CMIP: variants seen among roughly 807,000 people sequenced by gnomAD.
CMIP encodes the protein C-Maf-inducing protein.
Under a neutral mutation model 97.3 loss-of-function variants are expected in CMIP, and 13 were observed. The observed-to-expected ratio is 0.13, with a 90% CI of 0.09 to 0.21. The LOEUF (loss-of-function observed/expected upper bound fraction) is 0.21. Ranked by LOEUF, CMIP falls within the 10% of genes least tolerant of loss-of-function variation. CMIP has a pLI of 1.00. For missense variants in CMIP, 847 were observed against 1,024.9 expected (o/e 0.83, Z 2.37); for synonymous variants, 538 against 436.3 (o/e 1.23, Z -2.91).
intron 1 of CMIP, among the ~76,000 whole-genome samples, chr16:81,530,096 A>C (rs553507566): frequency 6.6e-6 from 1 of 152,226 alleles, no homozygotes; most frequent in Non-Finnish European, 1.5e-5. Flanking sequence ...TCTTTCAGTC[A>C]GGCCGCTATA....
chr16:81,471,742 T>C (rs1323906016), intron 1 of CMIP, among the ~76,000 whole-genome samples: 2 of 152,154 alleles, frequency 1.3e-5, no homozygotes, highest in Non-Finnish European at 2.9e-5. Flanking sequence ...ATACATAAAA[T>C]AAGGGTGACT....
intron 1 of CMIP, among the ~76,000 whole-genome samples, chr16:81,557,506 A>T (rs146003144): frequency 6.6e-6 from 1 of 152,262 alleles, no homozygotes; most frequent in South Asian, 2.1e-4. Flanking sequence ...ATATATGTTT[A>T]TAATGTGGAA....
At chr16:81,604,286 C>G (rs549714127) in intron 1 of CMIP, among the ~76,000 whole-genome samples, 2 of 150,776 alleles carry the variant, frequency 1.3e-5, no homozygotes, top group Non-Finnish European at 2.9e-5. Context: ...ATCCCAGCTA[C>G]TCAGGAGGCT....
At chr16:81,704,167 TTCCTTTCC>T in intron 18 of CMIP, 82 bp downstream of exon 18, 1 of 1,185,154 alleles carries the variant, frequency 8.4e-7, no homozygotes, top group Non-Finnish European at 1.1e-6. Context: ...CCGTACCATC[TTCCTTTCC>T]CCTCAGCCTC....
intron 3 of CMIP, among the ~76,000 whole-genome samples, chr16:81,637,315 C>T (rs1224023496): frequency 2.0e-5 from 3 of 152,174 alleles, no homozygotes; most frequent in African/African-American, 7.2e-5. Context: ...TCAGGTGATA[C>T]ACCTGCCTCG....
At chr16:81,704,694 C>T in intron 18 of CMIP, among the ~76,000 whole-genome samples, 1 of 86,630 alleles carries the variant, frequency 1.2e-5, no homozygotes, top group Non-Finnish European at 2.3e-5. Context: ...CTCCTCCCTG[C>T]CCCCGTCACC....
intron 3 of CMIP, among the ~76,000 whole-genome samples, chr16:81,651,583 C>T (rs1456530749): frequency 6.6e-6 from 1 of 152,210 alleles, no homozygotes; most frequent in East Asian, 1.9e-4. Context: ...TGTCTTCAAG[C>T]GACCTCTTGG....
chr16:81,520,569 G>GGGAGAGAGAGAGAGAGA (rs370420453), intron 1 of CMIP: 2 of 106,950 alleles, frequency 1.9e-5, no homozygotes, highest in African/African-American at 8.7e-5. Flanking sequence ...GGAGGAAGGG[G>GGGAGAGAGAGAGAGAGA]GAGAGAGAGA....
chr16:81,523,431 G>A (rs909486586), intron 1 of CMIP, among the ~76,000 whole-genome samples: 1 of 152,112 alleles, frequency 6.6e-6, no homozygotes, highest in Non-Finnish European at 1.5e-5. Context: ...AAGGACGTGG[G>A]GCCCACAGTC....
rs576038645 is a variant in CMIP at position 81,640,291 on chromosome 16, C to T, written c.478-11912C>T. ...AGAGCAGGATAGGACATCAGGCCCC[C>T]CCCCCCCCAATTCCCCAGGGAAAGA... is the stretch of plus-strand genomic sequence containing the variant. On this transcript the variant is annotated intron_variant, in intron 3 of 20. Transcript: ENST00000537098. Among the ~76,000 whole-genome samples, 5 of 150,942 alleles carry T rather than the reference C, an allele frequency of 3.3e-5. 1 individual carries two copies. The South Asian group carries it at 6.4e-4, about 19-fold the overall frequency.
At chr16:81,582,834 G>A (rs985394405) in intron 1 of CMIP, among the ~76,000 whole-genome samples, 14 of 152,124 alleles carry the variant, frequency 9.2e-5, no homozygotes, top group African/African-American at 3.4e-4. Flanking sequence ...GCACAAAGTC[G>A]GCGGGGGTAA....
At chr16:81,671,873 C>T (rs539793181) in intron 8 of CMIP, 93 bp from the exon 9 acceptor site, 259 of 643,406 alleles carry the variant, frequency 4.0e-4, no homozygotes, top group African/African-American at 3.9e-3. Context: ...CGGGCAGCCC[C>T]GTGCCTGAGC....
At chr16:81,591,002 C>A (rs2150919147) in intron 1 of CMIP, among the ~76,000 whole-genome samples, 1 of 152,348 alleles carries the variant, frequency 6.6e-6, no homozygotes, top group East Asian at 1.9e-4. Context: ...ACCACAACAG[C>A]ACTGCTGACA....
chr16:81,685,119 C>T (rs570068609), intron 10 of CMIP, among the ~76,000 whole-genome samples: 14 of 152,224 alleles, frequency 9.2e-5, no homozygotes, highest in South Asian at 4.1e-4. Context: ...CTCTGTCCAG[C>T]GCCCCCCATT....
chr16:81,700,392 C>G (rs1316071515), intron 15 of CMIP: 1 of 155,292 alleles, frequency 6.4e-6, no homozygotes, highest in African/African-American at 2.4e-5. Flanking sequence ...CCCCAGAAGC[C>G]TGAGACTCCC....
At chr16:81,504,802 TGAG>T (rs1474474350) in intron 1 of CMIP, among the ~76,000 whole-genome samples, 1 of 151,930 alleles carries the variant, frequency 6.6e-6, no homozygotes, top group Non-Finnish European at 1.5e-5. Context: ...GGGAGAGAAA[TGAG>T]GAGAGCAAGA....
chr16:81,637,865 T>C (rs1427708732), intron 3 of CMIP, among the ~76,000 whole-genome samples: 1 of 152,158 alleles, frequency 6.6e-6, no homozygotes, highest in Non-Finnish European at 1.5e-5. Context: ...GGTAGATTGG[T>C]GAGGGCTCGC....
rs564243176 is a variant in CMIP, at chr16:81,523,174, C to T, written c.300+77633C>T. ...GGCTCAAGTGATCCTCCTGCCTTGG[C>T]CTCCCAAAGTGCTGGGATTCCAGGT... On this transcript the variant is annotated intron_variant, in intron 1 of 20. Coordinates refer to ENST00000537098, the MANE Select transcript of CMIP (RefSeq NM_198390.3). Among the ~76,000 whole-genome samples, 22 of 152,346 alleles carry T rather than the reference C, an allele frequency of 1.4e-4. No homozygotes were observed. In the South Asian group the frequency reaches 1.9e-3, roughly 13 times the overall value.
intron 1 of CMIP, chr16:81,519,229 G>C (rs2089974233): frequency 6.6e-6 from 1 of 152,282 alleles, no homozygotes; most frequent in South Asian, 2.1e-4. Flanking sequence ...AGACTGGGAG[G>C]TTGAGGCTAC....
Sources: allele counts gnomAD v4.1 joint callset (sites outside exome capture counted in the v4.1 genomes callset), GRCh38; gene constraint gnomAD v4.1.1; transcripts MANE v1.5; gene names NCBI Gene and HGNC (gene_info 2026-07-23, HGNC 2026-07-21).